The following PKNOX2 variants were observed in gnomAD, a reference collection of about 807,000 sequenced individuals.
The protein encoded by PKNOX2 is homeobox protein PKNOX2.
PKNOX2 carries 14 observed loss-of-function variants against 53.1 expected under a neutral mutation model. That is an observed-to-expected ratio of 0.26 (90% confidence interval 0.17 to 0.41). The LOEUF (loss-of-function observed/expected upper bound fraction) is 0.41, where lower values mean the gene tolerates loss of function less well. PKNOX2 is among the 10% of genes least tolerant of loss of function. PKNOX2 has a pLI of 1.00. For synonymous variants in PKNOX2, 257 were observed against 242.8 expected, an observed-to-expected ratio of 1.06 and a Z score of -0.54; for missense variants, 496 against 602.8, an observed-to-expected ratio of 0.82 and a Z score of 1.85.
intron 2 of PKNOX2, among the ~76,000 whole-genome samples, chr11:125,323,184 T>G (rs1949627269): frequency 6.6e-6 from 1 of 152,002 alleles, no homozygotes; most frequent in Non-Finnish European, 1.5e-5. Context: ...TCGGTGCCAA[T>G]TTTGTAAGTA....
intron 6 of PKNOX2, among the ~76,000 whole-genome samples, chr11:125,396,009 A>C (rs1235468373): frequency 1.4e-5 from 2 of 147,426 alleles, no homozygotes; most frequent in Non-Finnish European, 3.0e-5. Flanking sequence ...GCTGGAGTGC[A>C]GTGGCTCCAT....
At chr11:125,168,763 G>A (rs189293370) in intron 1 of PKNOX2, among the ~76,000 whole-genome samples, 15 of 152,322 alleles carry the variant, frequency 9.8e-5, no homozygotes, top group African/African-American at 1.9e-4. Context: ...AACGTGCAAC[G>A]TAAACAGCAG....
intron 2 of PKNOX2, among the ~76,000 whole-genome samples, chr11:125,284,713 T>C (rs1348083442): frequency 1.3e-5 from 2 of 152,026 alleles, no homozygotes; most frequent in Non-Finnish European, 2.9e-5. Context: ...ATGAAGGGAA[T>C]GATGAATTCC....
chr11:125,201,585 C>T (rs183516409), intron 1 of PKNOX2, among the ~76,000 whole-genome samples: 10 of 152,220 alleles, frequency 6.6e-5, no homozygotes, highest in Middle Eastern at 3.4e-3. Flanking sequence ...AGGAAGATTG[C>T]GCCACCTGTG....
intron 7 of PKNOX2, among the ~76,000 whole-genome samples, chr11:125,399,993 T>C (rs1052650956): frequency 6.6e-6 from 1 of 152,204 alleles, no homozygotes; most frequent in Non-Finnish European, 1.5e-5. Flanking sequence ...TCAGTCCCCC[T>C]GGAGAATCCC....
At chr11:125,235,379 C>T (rs1397332321) in intron 2 of PKNOX2, among the ~76,000 whole-genome samples, 1 of 152,164 alleles carries the variant, frequency 6.6e-6, no homozygotes, top group Non-Finnish European at 1.5e-5. Flanking sequence ...GTCATGAGTG[C>T]CGGAGAAGGA....
chr11:125,225,352 T>G (rs1454049504), intron 1 of PKNOX2, among the ~76,000 whole-genome samples: 1 of 152,214 alleles, frequency 6.6e-6, no homozygotes, highest in Non-Finnish European at 1.5e-5. Flanking sequence ...GATCTGATGC[T>G]CAGAAAACAT....
At chr11:125,406,278 C>T (rs574204036) in intron 7 of PKNOX2, among the ~76,000 whole-genome samples, 1 of 152,336 alleles carries the variant, frequency 6.6e-6, no homozygotes, top group Admixed American at 6.5e-5. Flanking sequence ...AGAGACTAAG[C>T]CTGGACTGGA....
At position 125,240,304 on chromosome 11, in the gene PKNOX2, C is replaced by G. The variant is rs746400000; in HGVS notation, c.-130+5189C>G. 5.3e-5 allele frequency: 8 copies of G among 152,114 alleles called. No homozygotes were observed. The highest frequency in any genetic ancestry group is 1.2e-4 in the Non-Finnish European group (8 of 68,042). 9.4% of individuals were successfully genotyped at this position (152,114 alleles called of 1,614,324 possible). A position where few individuals can be genotyped will look rare whatever the true frequency, so the allele number is the denominator to read the frequency against. ...CAATTAATGGCTTTGTTTAATCATA[C>G]CCCCTGTCCAGAAGAGTATTGTCTT... On this transcript the variant is annotated intron_variant, in intron 2 of 12. Coordinates refer to ENST00000298282, the MANE Select transcript of PKNOX2 (RefSeq NM_001382323.2). This position sits in a 1 kb window ranked among gnomAD's most constrained non-coding sequence, Gnocchi z 4.3.
At chr11:125,313,880 T>A (rs957389425) in intron 2 of PKNOX2, among the ~76,000 whole-genome samples, 20 of 151,572 alleles carry the variant, frequency 1.3e-4, no homozygotes, top group Non-Finnish European at 2.2e-4. Flanking sequence ...CCACAGAGAG[T>A]TCTATTGGAA....
At chr11:125,201,168 C>A (rs1938389101) in intron 1 of PKNOX2, among the ~76,000 whole-genome samples, 1 of 152,132 alleles carries the variant, frequency 6.6e-6, no homozygotes, top group South Asian at 2.1e-4. Context: ...GGGCTGAACC[C>A]AGATTGCTGC....
intron 2 of PKNOX2, among the ~76,000 whole-genome samples, chr11:125,301,267 C>G (rs180675087): frequency 6.6e-6 from 1 of 152,238 alleles, no homozygotes; most frequent in Admixed American, 6.5e-5. Context: ...TGGGCCCACC[C>G]TGGACACCTC....
chr11:125,373,186 A>T (rs1952645656), intron 5 of PKNOX2, among the ~76,000 whole-genome samples: 1 of 152,254 alleles, frequency 6.6e-6, no homozygotes. Flanking sequence ...ACCATCGGCT[A>T]GCTCATCTCT....
intron 1 of PKNOX2, among the ~76,000 whole-genome samples, chr11:125,207,853 A>T (rs1299785342): frequency 6.6e-6 from 1 of 152,046 alleles, no homozygotes; most frequent in Non-Finnish European, 1.5e-5. Context: ...AGCCATCAGT[A>T]AGCAAAGCTT....
chr11:125,431,156 T>G lies in PKNOX2; in HGVS notation c.1193-10T>G, dbSNP rs764462067. On this transcript the variant is annotated splice_polypyrimidine_tract_variant and intron_variant, in intron 12 of 12. Coordinates refer to ENST00000298282, the MANE Select transcript of PKNOX2 (RefSeq NM_001382323.2). The stretch of plus-strand genomic sequence containing the variant: ...CCCTGCCTCGTCCTGACCCTTGCTT[T>G]CTCTCGCAGGTTCCATCAACTTGGA... The G allele has an allele frequency of 3.7e-6, 6 of 1,612,574 alleles. No homozygotes were observed. In the South Asian group the frequency reaches 4.4e-5, roughly 12 times the overall value.
At chr11:125,187,828 A>G (rs770034804) in intron 1 of PKNOX2, among the ~76,000 whole-genome samples, 2 of 152,224 alleles carry the variant, frequency 1.3e-5, no homozygotes, top group Admixed American at 1.3e-4. Context: ...GGTCACTCCT[A>G]GCGGCCTGGG....
At chr11:125,294,612 T>G (rs112617211) in intron 2 of PKNOX2, among the ~76,000 whole-genome samples, 14 of 152,236 alleles carry the variant, frequency 9.2e-5, no homozygotes, top group African/African-American at 3.4e-4. Context: ...AGGGTTCGTG[T>G]GCACAGGGAC....
At chr11:125,418,267 A>G (rs1444086810) in intron 10 of PKNOX2, among the ~76,000 whole-genome samples, 1 of 152,062 alleles carries the variant, frequency 6.6e-6, no homozygotes, top group African/African-American at 2.4e-5. Context: ...ACTTAGGACA[A>G]TGTATCAGTA....
At position 125,267,688 on chromosome 11, in the gene PKNOX2, T is replaced by C. The variant is rs115896107; in HGVS notation, c.-130+32573T>C. On this transcript the variant is annotated intron_variant, in intron 2 of 12. Transcript: ENST00000298282. ...TGAGATTTCCTGCTCATCTTTCTGA[T>C]GGAGGAAGCCTGTGTGTGTGTGTAT... Among the ~76,000 whole-genome samples the C allele has an allele frequency of 9.8e-3, 1,491 of 152,296 alleles. 28 individuals carry two copies. The highest frequency in any genetic ancestry group is 0.033 in the African/African-American group (1,383 of 41,566).
Sources: gnomAD v4.1 joint callset for allele counts (sites outside exome capture counted in the v4.1 genomes callset) on GRCh38, gnomAD v4.1.1 for gene constraint, Gnocchi (gnomAD v3.1) non-coding constraint, MANE v1.5 for transcripts, NCBI Gene and HGNC (gene_info 2026-07-23, HGNC 2026-07-21) for gene names.